Variants in ROR2 observed in about 807,000 individuals in gnomAD.
ROR2 encodes the protein tyrosine-protein kinase transmembrane receptor ROR2.
Under a neutral mutation model 74.9 loss-of-function variants are expected in ROR2, and 33 were observed. The observed-to-expected ratio is 0.44, with a 90% CI of 0.33 to 0.59. ROR2 has a LOEUF of 0.59. ROR2 is among the 20% of genes least tolerant of loss of function. ROR2 has a pLI of 0.02. For synonymous variants in ROR2, 586 were observed against 558.7 expected, an observed-to-expected ratio of 1.05 and a Z score of -0.69; for missense variants, 1,216 against 1,313.8, an observed-to-expected ratio of 0.93 and a Z score of 1.15.
At chr9:91,823,522 A>G (rs934794424) in intron 1 of ROR2, among the ~76,000 whole-genome samples, 5 of 151,288 alleles carry the variant, frequency 3.3e-5, no homozygotes, top group African/African-American at 9.7e-5. Flanking sequence ...TCCTGACCTC[A>G]TGATCCACCT....
Position 91,905,118 on chromosome 9 carries a change from A to G in ROR2, c.97+44749T>C, listed in dbSNP as rs951407445. ...ACAAAACTCATACACCACAAACCAC[A>G]TATCACACACACACCCCCCACACAA... is the stretch of plus-strand genomic sequence containing the variant. On this transcript the variant is annotated intron_variant, in intron 1 of 8. Coordinates refer to ENST00000375708, the MANE Select transcript of ROR2 (RefSeq NM_004560.4). The surrounding 1 kb of genome is among the most constrained non-coding windows in gnomAD (Gnocchi z 5.3). 1.1e-4 allele frequency among the ~76,000 whole-genome samples: 16 copies of G among 151,658 alleles called. No individual in the cohort carries two copies. The highest frequency in any genetic ancestry group is 3.9e-4 in the African/African-American group (16 of 41,236).
chr9:91,753,322 G>A (rs1405851486), intron 4 of ROR2, among the ~76,000 whole-genome samples: 11 of 152,202 alleles, frequency 7.2e-5, no homozygotes, highest in Non-Finnish European at 4.4e-5. Flanking sequence ...GGAGACATGA[G>A]TGCCAAGCAA....
intron 1 of ROR2, among the ~76,000 whole-genome samples, chr9:91,927,930 A>G (rs1009628470): frequency 5.3e-5 from 8 of 151,716 alleles, no homozygotes; most frequent in African/African-American, 1.9e-4. Context: ...ACTATATTTT[A>G]TTTTCTGTAT....
intron 1 of ROR2, among the ~76,000 whole-genome samples, chr9:91,861,905 A>C (rs1829479142): frequency 6.6e-6 from 1 of 151,936 alleles, no homozygotes; most frequent in Non-Finnish European, 1.5e-5. Context: ...TATCCCCCCC[A>C]CCCCAAATTC....
At chr9:91,782,030 T>C (rs1354671620) in intron 1 of ROR2, among the ~76,000 whole-genome samples, 1 of 152,226 alleles carries the variant, frequency 6.6e-6, no homozygotes, top group African/African-American at 2.4e-5. Context: ...CTCAGGCAGC[T>C]GAATTGAGGC....
chr9:91,804,321 A>G (rs1827482128), intron 1 of ROR2, among the ~76,000 whole-genome samples: 2 of 152,204 alleles, frequency 1.3e-5, no homozygotes, highest in Admixed American at 1.3e-4. Flanking sequence ...CGTTGAGGCA[A>G]TTAACACAGC....
Position 91,949,935 on chromosome 9 carries a change from C to T in ROR2, c.29G>A (p.Arg10Gln), listed in dbSNP as rs1221994563. MARGSALPR[R>Q]PLLCIPAVWA... is the part of the protein sequence containing the mutation. ...GACGGCCGGGATGCACAGCAGCGGCCGCCGCGGGAGCGCCGAGCCCCGGGC... is the reference window on the plus strand; with the variant it reads ...GACGGCCGGGATGCACAGCAGCGGCTGCCGCGGGAGCGCCGAGCCCCGGGC... Residue 10 changes from arginine to glutamine, a missense_variant, in exon 1 of 9, where the codon CGG becomes CAG. Coordinates refer to ENST00000375708, the MANE Select transcript of ROR2 (RefSeq NM_004560.4). The T allele has an allele frequency of 1.3e-6, 2 of 1,516,946 alleles. No homozygotes were observed. Among genetic ancestry groups the T allele is most frequent in the East Asian group, 2.6e-5 (1 of 38,136 alleles). 94.0% of individuals were successfully genotyped at this position (1,516,946 alleles called of 1,614,324 possible). A position where few individuals can be genotyped will look rare whatever the true frequency, so the allele number is the denominator to read the frequency against.
At chr9:91,848,549 T>TC (rs1187759781) in intron 1 of ROR2, among the ~76,000 whole-genome samples, 1 of 151,944 alleles carries the variant, frequency 6.6e-6, no homozygotes, top group Non-Finnish European at 1.5e-5. Context: ...TCACCTGAGG[T>TC]CGGAAGTTCA....
intron 1 of ROR2, among the ~76,000 whole-genome samples, chr9:91,887,884 C>A (rs1472859959): frequency 6.7e-6 from 1 of 150,128 alleles, no homozygotes; most frequent in African/African-American, 2.5e-5. Context: ...CTCTGCCTCC[C>A]GGGTTGAAGC....
At chr9:91,944,173 A>C (rs1323280967) in intron 1 of ROR2, among the ~76,000 whole-genome samples, 1 of 152,234 alleles carries the variant, frequency 6.6e-6, no homozygotes, top group Admixed American at 6.5e-5. Context: ...CCTAGGCTAC[A>C]ACAAACCTAT....
intron 4 of ROR2, among the ~76,000 whole-genome samples, chr9:91,754,514 G>A (rs1017336367): frequency 1.3e-5 from 2 of 151,860 alleles, no homozygotes; most frequent in East Asian, 1.9e-4. Context: ...AACATTAGCC[G>A]GGCATGGTGG....
Position 91,887,389 on chromosome 9 carries a change from G to T in ROR2, c.97+62478C>A, listed in dbSNP as rs530503448. On this transcript the variant is annotated intron_variant, in intron 1 of 8. Transcript: ENST00000375708. ...TACAGTATGTATCCCAGAGCAGTAC[G>T]CAAGATTTCCTTGCATAGGTTTAAC... 2.6e-5 allele frequency among the ~76,000 whole-genome samples: 4 copies of T among 152,232 alleles called. No individual in the cohort carries two copies. The South Asian group carries it at 8.3e-4, about 32-fold the overall frequency.
At chr9:91,780,553 C>T (rs558528599) in intron 1 of ROR2, among the ~76,000 whole-genome samples, 16 of 151,948 alleles carry the variant, frequency 1.1e-4, no homozygotes, top group Admixed American at 7.9e-4. Flanking sequence ...TTTGGGAGGT[C>T]GAGGCCTCGG....
intron 1 of ROR2, among the ~76,000 whole-genome samples, chr9:91,863,964 G>A (rs983826583): frequency 6.6e-6 from 1 of 152,180 alleles, no homozygotes; most frequent in African/African-American, 2.4e-5. Context: ...AATGGGAAGG[G>A]AAGGGGAACA....
Position 91,856,737 on chromosome 9 carries a change from G to T in ROR2, c.98-80919C>A, listed in dbSNP as rs535582132. ...CAGTCTGGGGTACTTACGGCAGACT[G>T]AGCTGACAAATACGATGTCCTTGTC... On this transcript the variant is annotated intron_variant, in intron 1 of 8. Coordinates refer to ENST00000375708, the MANE Select transcript of ROR2 (RefSeq NM_004560.4). Among the ~76,000 whole-genome samples the T allele has an allele frequency of 8.9e-4, 135 of 152,318 alleles. 1 individual carries two copies. The highest frequency in any genetic ancestry group is 3.0e-3 in the African/African-American group (126 of 41,554).
chr9:91,830,826 G>A (rs1424115199), intron 1 of ROR2, among the ~76,000 whole-genome samples: 1 of 150,296 alleles, frequency 6.7e-6, no homozygotes, highest in Non-Finnish European at 1.5e-5. Flanking sequence ...GTGTGTGTGT[G>A]TGTGTGTGTG....
At chr9:91,756,743 CTTTTTTTTTTTTT>C (rs557043787) in intron 3 of ROR2, among the ~76,000 whole-genome samples, 1 of 104,066 alleles carries the variant, frequency 9.6e-6, no homozygotes, top group Non-Finnish European at 1.9e-5. Context: ...TTTTTGTTCT[CTTTTTTTTTTTTT>C]TTTTTTTTTT....
intron 1 of ROR2, among the ~76,000 whole-genome samples, chr9:91,913,235 A>G (rs959785324): frequency 1.3e-5 from 2 of 152,202 alleles, no homozygotes; most frequent in African/African-American, 4.8e-5. Flanking sequence ...TAAAATTGAA[A>G]ATAACTACAA....
chr9:91,934,040 A>C (rs1831618633), intron 1 of ROR2, among the ~76,000 whole-genome samples: 1 of 152,238 alleles, frequency 6.6e-6, no homozygotes, highest in Non-Finnish European at 1.5e-5. Context: ...GGAGAAGCAC[A>C]AACAAGCACA....
Sources: gnomAD v4.1 joint callset for allele counts (sites outside exome capture counted in the v4.1 genomes callset) on GRCh38, gnomAD v4.1.1 for gene constraint, Gnocchi (gnomAD v3.1) non-coding constraint, MANE v1.5 for transcripts, NCBI Gene and HGNC (gene_info 2026-07-23, HGNC 2026-07-21) for gene names.